Variants in PRKCB observed in about 807,000 individuals in gnomAD.
PRKCB encodes protein kinase C beta type.
PRKCB carries 13 observed loss-of-function variants against 81.5 expected under a neutral mutation model. The observed-to-expected ratio is 0.16, with a 90% CI of 0.10 to 0.25. The LOEUF (loss-of-function observed/expected upper bound fraction) is 0.25. Among genes scored for constraint, PRKCB ranks in the 10% least tolerant of loss-of-function variants. The pLI, the probability that PRKCB is intolerant of heterozygous loss-of-function variation, is 1.00. For synonymous variants in PRKCB, 335 were observed against 321.4 expected (o/e 1.04, Z -0.45); for missense variants, 509 against 875.7 (o/e 0.58, Z 5.29).
intron 2 of PRKCB, among the ~76,000 whole-genome samples, chr16:23,855,121 G>C (rs900432777): frequency 6.6e-6 from 1 of 152,050 alleles, no homozygotes; most frequent in Non-Finnish European, 1.5e-5. Context: ...CCCTGTACTT[G>C]AGGAGGGAGA....
intron 5 of PRKCB, among the ~76,000 whole-genome samples, chr16:24,056,507 T>C (rs1407047692): frequency 1.3e-5 from 2 of 152,202 alleles, no homozygotes; most frequent in African/African-American, 4.8e-5. Flanking sequence ...CCAAGTCTCA[T>C]GTTGAAATGT....
At chr16:24,007,863 G>C (rs148628521) in intron 3 of PRKCB, among the ~76,000 whole-genome samples, 33 of 152,146 alleles carry the variant, frequency 2.2e-4, no homozygotes, top group Admixed American at 1.9e-3. Flanking sequence ...GATGTGAAAG[G>C]CCCTGGTTCT....
intron 9 of PRKCB, among the ~76,000 whole-genome samples, chr16:24,137,171 G>A (rs575148621): frequency 9.2e-5 from 14 of 151,866 alleles, no homozygotes; most frequent in African/African-American, 3.1e-4. Flanking sequence ...TTACAGGTGT[G>A]AGCCACTGTG....
Position 23,871,334 on chromosome 16 carries a change from G to A in PRKCB, c.205+33928G>A, listed in dbSNP as rs116034213. Among the ~76,000 whole-genome samples the A allele has an allele frequency of 2.6e-3, 389 of 152,186 alleles. 6 individuals are homozygous for A. Among genetic ancestry groups the A allele is most frequent in the African/African-American group, 7.9e-3 (329 of 41,530 alleles). On this transcript the variant is annotated intron_variant, in intron 2 of 16. Transcript: ENST00000643927. Reference sequence around the variant, plus strand: ...ATCTTTCTCTCCACATGCCTGGCCCGTGAAGGATTTGCCTGCCCAGCAGAG... The same window carrying A: ...ATCTTTCTCTCCACATGCCTGGCCCATGAAGGATTTGCCTGCCCAGCAGAG...
intron 2 of PRKCB, among the ~76,000 whole-genome samples, chr16:23,909,224 C>T (rs1004669649): frequency 2.6e-5 from 4 of 152,154 alleles, no homozygotes; most frequent in African/African-American, 7.2e-5. Flanking sequence ...CCACATTTCA[C>T]GGAACCAACA....
intron 2 of PRKCB, among the ~76,000 whole-genome samples, chr16:23,933,407 T>G (rs1351248238): frequency 6.6e-6 from 1 of 152,180 alleles, no homozygotes; most frequent in Admixed American, 6.5e-5. Context: ...TTTGGTTAAG[T>G]TGCATATGGT....
At chr16:24,062,559 G>A (rs1965986851) in intron 5 of PRKCB, among the ~76,000 whole-genome samples, 1 of 152,240 alleles carries the variant, frequency 6.6e-6, no homozygotes, top group Admixed American at 6.5e-5. Flanking sequence ...AAGATGCCAA[G>A]TAGTCCCATT....
At position 24,047,039 on chromosome 16, in the gene PRKCB, T is replaced by C. The variant is rs369103345; in HGVS notation, c.529+11492T>C. On this transcript the variant is annotated intron_variant, in intron 5 of 16. Transcript: ENST00000643927. ...CAGCAACACAGTGAGAAAAAAAGTCTTAAAAATTAGCTGGGTAGGCAGGGT... is the reference window on the plus strand; with the variant it reads ...CAGCAACACAGTGAGAAAAAAAGTCCTAAAAATTAGCTGGGTAGGCAGGGT... Among the ~76,000 whole-genome samples, 17 of 152,002 alleles carry C rather than the reference T, an allele frequency of 1.1e-4. 3 individuals carry two copies. The highest frequency in any genetic ancestry group is 3.3e-4 in the Admixed American group (5 of 15,274).
intron 5 of PRKCB, among the ~76,000 whole-genome samples, chr16:24,039,903 G>A (rs1427414247): frequency 1.3e-5 from 2 of 152,308 alleles, no homozygotes; most frequent in African/African-American, 4.8e-5. Flanking sequence ...AGAGGAGCGA[G>A]CACTAAAGGT....
At chr16:24,191,967 T>C (rs1390318338) in intron 16 of PRKCB, among the ~76,000 whole-genome samples, 2 of 152,250 alleles carry the variant, frequency 1.3e-5, no homozygotes, top group Non-Finnish European at 2.9e-5. Context: ...ACTGTTATTC[T>C]GCTGGGAGGA....
intron 3 of PRKCB, among the ~76,000 whole-genome samples, chr16:24,026,335 G>A (rs1166774422): frequency 6.6e-6 from 1 of 152,148 alleles, no homozygotes; most frequent in East Asian, 1.9e-4. Context: ...ACAGAAATGT[G>A]TTTCCTTTTC....
chr16:23,880,630 T>G (rs1283924251), intron 2 of PRKCB, among the ~76,000 whole-genome samples: 1 of 151,794 alleles, frequency 6.6e-6, no homozygotes, highest in Non-Finnish European at 1.5e-5. Flanking sequence ...GAAAATGAAG[T>G]AGGGTACTAG....
chr16:23,945,738 A>T (rs762129756), intron 2 of PRKCB, among the ~76,000 whole-genome samples: 9 of 152,054 alleles, frequency 5.9e-5, no homozygotes, highest in Non-Finnish European at 8.8e-5. Context: ...AGAAAAAGAA[A>T]AAGAAAAAGA....
chr16:24,021,327 C>T (rs1335343471), intron 3 of PRKCB, among the ~76,000 whole-genome samples: 1 of 58,974 alleles, frequency 1.7e-5, no homozygotes, highest in Non-Finnish European at 3.1e-5. Flanking sequence ...TCCTTCCTTC[C>T]TTCCTTCCTT....
intron 16 of PRKCB, among the ~76,000 whole-genome samples, chr16:24,213,921 T>C (rs1382872748): frequency 6.6e-6 from 1 of 152,194 alleles, no homozygotes; most frequent in Non-Finnish European, 1.5e-5. Context: ...TAGAACCTGA[T>C]TGCTTCACCA....
At chr16:23,940,411 GA>G (rs1013317807) in intron 2 of PRKCB, among the ~76,000 whole-genome samples, 40 of 148,616 alleles carry the variant, frequency 2.7e-4, no homozygotes, top group African/African-American at 7.4e-4. Flanking sequence ...AGCAAGCAAG[GA>G]AAAAAAAACC....
intron 13 of PRKCB, 140 bp from the exon 14 acceptor site, chr16:24,184,971 A>G: frequency 1.3e-6 from 1 of 742,862 alleles, no homozygotes; most frequent in African/African-American, 1.8e-5. Context: ...TCTGCAAAGC[A>G]TGTCTGTCAT....
chr16:24,196,622 A>G (rs920425579), intron 16 of PRKCB, among the ~76,000 whole-genome samples: 1 of 152,184 alleles, frequency 6.6e-6, no homozygotes, highest in Non-Finnish European at 1.5e-5. Context: ...TGCATGCACG[A>G]GTCACCTGGG....
intron 2 of PRKCB, among the ~76,000 whole-genome samples, chr16:23,891,928 C>T (rs1197530677): frequency 6.6e-6 from 1 of 152,174 alleles, no homozygotes; most frequent in Non-Finnish European, 1.5e-5. Context: ...CATCCCACAC[C>T]CTACCTTCTT....
Sources: gnomAD v4.1 joint callset for allele counts (sites outside exome capture counted in the v4.1 genomes callset) on GRCh38, gnomAD v4.1.1 for gene constraint, MANE v1.5 for transcripts, NCBI Gene and HGNC (gene_info 2026-07-23, HGNC 2026-07-21) for gene names.